The following TTBK2 variants were observed in gnomAD, a reference collection of about 807,000 sequenced individuals.
TTBK2 encodes tau-tubulin kinase 2.
A neutral mutation model predicts 110.8 loss-of-function variants in TTBK2; 28 were observed. The observed-to-expected ratio is 0.25, with a 90% confidence interval of 0.19 to 0.35. The LOEUF is 0.35. Among genes scored for constraint, TTBK2 ranks in the 10% least tolerant of loss-of-function variants. TTBK2 has a pLI of 1.00. For missense variants in TTBK2, 1,369 were observed against 1,500.3 expected (o/e 0.91, Z 1.45); for synonymous variants, 532 against 527.3 (o/e 1.01, Z -0.12).
intron 10 of TTBK2, among the ~76,000 whole-genome samples, chr15:42,787,590 G>C (rs1890463488): frequency 6.6e-6 from 1 of 152,102 alleles, no homozygotes; most frequent in Admixed American, 6.6e-5. Flanking sequence ...CTTACAAAGA[G>C]AAAAACAGTA....
At chr15:42,803,301 G>A (rs1199014009) in intron 9 of TTBK2, among the ~76,000 whole-genome samples, 2 of 152,160 alleles carry the variant, frequency 1.3e-5, no homozygotes, top group Non-Finnish European at 2.9e-5. Context: ...GTAAGTATTT[G>A]TGTATGTAAA....
At chr15:42,846,750 C>G (rs186296968) in intron 3 of TTBK2, among the ~76,000 whole-genome samples, 1 of 152,202 alleles carries the variant, frequency 6.6e-6, no homozygotes, top group East Asian at 1.9e-4. Context: ...GGGCAGTCAC[C>G]AGAAAGACAA....
chr15:42,865,523 A>AAAC (rs34715610), intron 3 of TTBK2, among the ~76,000 whole-genome samples: 30,567 of 150,146 alleles, frequency 0.2, 3,430 homozygotes, highest in South Asian at 0.31. Flanking sequence ...TAAAAAAAAA[A>AAAC]AAAAAACCAA....
At chr15:42,890,971 C>T (rs1156586801) in intron 1 of TTBK2, among the ~76,000 whole-genome samples, 2 of 152,028 alleles carry the variant, frequency 1.3e-5, no homozygotes, top group African/African-American at 2.4e-5. Flanking sequence ...AGGGTTCAAG[C>T]GATTCTCCTG....
intron 13 of TTBK2, among the ~76,000 whole-genome samples, chr15:42,753,976 T>C (rs970685174): frequency 2.6e-5 from 4 of 152,186 alleles, no homozygotes; most frequent in East Asian, 1.9e-4. Context: ...CAAATTTGCA[T>C]GCATTTTGTT....
At chr15:42,779,408 CA>C (rs35452096) in intron 11 of TTBK2, among the ~76,000 whole-genome samples, 227 of 102,150 alleles carry the variant, frequency 2.2e-3, no homozygotes, top group Admixed American at 4.6e-3. Context: ...AACCCTGTCA[CA>C]AAAAAAAAAA....
Position 42,809,662 on chromosome 15 carries a change from G to A in TTBK2, c.822+952C>T, listed in dbSNP as rs575312426. ...CACACACAGTGTATTTTCTCAATTTGTTAGACAGTCCCTATTGCTTACAAC... is the reference window on the plus strand; with the variant it reads ...CACACACAGTGTATTTTCTCAATTTATTAGACAGTCCCTATTGCTTACAAC... On this transcript the variant is annotated intron_variant, in intron 9 of 14. Coordinates refer to ENST00000267890, the MANE Select transcript of TTBK2 (RefSeq NM_173500.4). 8.5e-5 allele frequency among the ~76,000 whole-genome samples: 13 copies of A among 152,274 alleles called. No homozygotes were observed. The South Asian group carries it at 2.7e-3, about 32-fold the overall frequency.
intron 4 of TTBK2, among the ~76,000 whole-genome samples, chr15:42,839,722 T>G (rs1159550004): frequency 6.6e-6 from 1 of 152,244 alleles, no homozygotes; most frequent in Admixed American, 6.5e-5. Flanking sequence ...TTCTTTCATA[T>G]GCTTTTTGGC....
intron 10 of TTBK2, among the ~76,000 whole-genome samples, chr15:42,792,764 T>C (rs1890750686): frequency 6.6e-6 from 1 of 152,178 alleles, no homozygotes; most frequent in African/African-American, 2.4e-5. Context: ...CTCATTTTTT[T>C]CTCTCTTTTT....
Position 42,775,605 on chromosome 15 carries a change from C to T in TTBK2, c.1528G>A (p.Glu510Lys). 6.2e-7 allele frequency: 1 copy of T among 1,614,084 alleles called. No individual in the cohort carries two copies. Among genetic ancestry groups the T allele is most frequent in the Non-Finnish European group, 8.5e-7 (1 of 1,179,984 alleles). ...RTDHIWHYDE[E>K]YLPDASKPAS... is the part of the protein sequence containing the mutation. ...GGCTTGGAGGCATCTGGAAGATATTCTTCATCATAGTGCCAGATGTGGTCA... is the reference window on the plus strand; with the variant it reads ...GGCTTGGAGGCATCTGGAAGATATTTTTCATCATAGTGCCAGATGTGGTCA... Residue 510 changes from glutamate to lysine, a missense_variant, in exon 13 of 15, where the codon GAA becomes AAA. Glu to Lys is a moderately conservative substitution (Grantham distance 56, BLOSUM62 1). This residue lies in a region of TTBK2 where 1,097 missense variants were observed against 1,114.7 expected (regional missense o/e 0.98). Transcript: ENST00000267890.
intron 4 of TTBK2, among the ~76,000 whole-genome samples, chr15:42,839,717 T>C (rs1366551223): frequency 2.0e-5 from 3 of 152,254 alleles, no homozygotes; most frequent in African/African-American, 7.2e-5. Flanking sequence ...GAACATTCTT[T>C]CATATGCTTT....
rs199809323 is a variant in TTBK2, at chr15:42,759,985, AATAAAG to A, written c.1999-6744_1999-6739del. On this transcript the variant is annotated intron_variant, in intron 13 of 14. Coordinates refer to ENST00000267890, the MANE Select transcript of TTBK2 (RefSeq NM_173500.4). Reference sequence around the variant, plus strand: ...AAAGAAACTCAGTGACATATAAGAGAATAAAGATAGACAATTCAGTTAAATCAGAAA... The same window carrying A: ...AAAGAAACTCAGTGACATATAAGAGAATAGACAATTCAGTTAAATCAGAAA... 2.1e-4 allele frequency among the ~76,000 whole-genome samples: 32 copies of A among 152,366 alleles called. No individual in the cohort carries two copies. In the East Asian group the frequency reaches 3.9e-3, roughly 18 times the overall value.
intron 9 of TTBK2, among the ~76,000 whole-genome samples, chr15:42,805,009 C>G (rs1418035571): frequency 1.3e-5 from 2 of 152,174 alleles, no homozygotes; most frequent in East Asian, 3.8e-4. Flanking sequence ...CTCCTGAACA[C>G]ACAGCTGAAT....
At position 42,845,508 on chromosome 15, in the gene TTBK2, C is replaced by G. The variant is rs117094855; in HGVS notation, c.218-5075G>C. ...TGGTGAAACCCCATCGCAGTAGGCA[C>G]CTATAATCCCAGCTACTCAGGAGGC... On this transcript the variant is annotated intron_variant, in intron 3 of 14. Transcript: ENST00000267890. Among the ~76,000 whole-genome samples, 1,513 of 151,660 alleles carry G rather than the reference C, an allele frequency of 1.0e-2. 14 individuals are homozygous for G. Among genetic ancestry groups the G allele is most frequent in the Non-Finnish European group, 0.016 (1,053 of 67,868 alleles).
chr15:42,762,723 ATAAAT>A (rs1422052362), intron 13 of TTBK2, among the ~76,000 whole-genome samples: 1 of 152,074 alleles, frequency 6.6e-6, no homozygotes, highest in Non-Finnish European at 1.5e-5. Flanking sequence ...GTCTCAAAAA[ATAAAT>A]AAATAAATAA....
chr15:42,900,461 T>C (rs2029920935), intron 1 of TTBK2, among the ~76,000 whole-genome samples: 1 of 151,854 alleles, frequency 6.6e-6, no homozygotes. Flanking sequence ...GCTCATGCCT[T>C]TAATCCCAGG....
intron 3 of TTBK2, among the ~76,000 whole-genome samples, chr15:42,848,700 G>C (rs781456959): frequency 3.9e-5 from 6 of 152,160 alleles, no homozygotes; most frequent in Non-Finnish European, 8.8e-5. Context: ...ATGTTGGTCA[G>C]GCTGGTCTCG....
chr15:42,857,204 C>T (rs757976525), intron 3 of TTBK2, among the ~76,000 whole-genome samples: 26 of 152,002 alleles, frequency 1.7e-4, no homozygotes, highest in Admixed American at 2.6e-4. Context: ...TTTGTGTAAA[C>T]CTAAAACAGT....
At position 42,840,838 on chromosome 15, in the gene TTBK2, G is replaced by A. The variant is rs1213803672; in HGVS notation, c.218-405C>T. 2.0e-5 allele frequency among the ~76,000 whole-genome samples: 3 copies of A among 152,190 alleles called. No individual in the cohort carries two copies. The South Asian group carries it at 6.2e-4, about 31-fold the overall frequency. On this transcript the variant is annotated intron_variant, in intron 3 of 14. Coordinates refer to ENST00000267890, the MANE Select transcript of TTBK2 (RefSeq NM_173500.4). ...TTTCAGATATGTTATGGTACTCATT[G>A]TTATGACTTCAGCAAGACAAACAAT...
Sources: gnomAD v4.1 joint callset for allele counts (sites outside exome capture counted in the v4.1 genomes callset) on GRCh38, gnomAD v4.1.1 for gene constraint, gnomAD v4.1.1 regional missense constraint, MANE v1.5 for transcripts, NCBI Gene and HGNC (gene_info 2026-07-23, HGNC 2026-07-21) for gene names.